CWC27: variants seen among roughly 807,000 people sequenced by gnomAD.
CWC27 encodes spliceosome-associated protein CWC27 homolog.
A neutral mutation model predicts 63.6 loss-of-function variants in CWC27; 47 were observed. The observed-to-expected ratio is 0.74, with a 90% CI of 0.58 to 0.94. The LOEUF is 0.94. CWC27 is among the 40% of genes least tolerant of loss of function. The pLI, the probability that CWC27 is intolerant of heterozygous loss-of-function variation, is 0.00. For missense variants in CWC27, 495 were observed against 554.3 expected (o/e 0.89, Z 1.07); for synonymous variants, 175 against 179.8 (o/e 0.97, Z 0.22).
chr5:64,947,149 T>C (rs1669821427), intron 11 of CWC27, among the ~76,000 whole-genome samples: 1 of 152,130 alleles, frequency 6.6e-6, no homozygotes, highest in Admixed American at 6.6e-5. Flanking sequence ...TGCTGCTTCC[T>C]AAAAAGGAAA....
At chr5:64,900,020 C>G (rs913167475) in intron 11 of CWC27, among the ~76,000 whole-genome samples, 1 of 152,092 alleles carries the variant, frequency 6.6e-6, no homozygotes, top group Non-Finnish European at 1.5e-5. Flanking sequence ...AAGTAGTATT[C>G]CATTATATAG....
chr5:64,861,719 C>T (rs1746416397), intron 10 of CWC27, among the ~76,000 whole-genome samples: 1 of 152,172 alleles, frequency 6.6e-6, no homozygotes, highest in Non-Finnish European at 1.5e-5. Flanking sequence ...TATCCTAGAA[C>T]TGAGGTCCTT....
At chr5:64,933,763 T>G (rs1748288651) in intron 11 of CWC27, among the ~76,000 whole-genome samples, 1 of 152,190 alleles carries the variant, frequency 6.6e-6, no homozygotes, top group African/African-American at 2.4e-5. Context: ...AGTGCTGGGA[T>G]TACAGGCGTG....
intron 10 of CWC27, among the ~76,000 whole-genome samples, chr5:64,879,677 A>G (rs1263966482): frequency 6.6e-6 from 1 of 151,894 alleles, no homozygotes. Flanking sequence ...TTAGGGGGTC[A>G]TAAGTTACTT....
intron 7 of CWC27, among the ~76,000 whole-genome samples, chr5:64,799,105 G>A (rs190067020): frequency 6.6e-6 from 1 of 152,322 alleles, no homozygotes; most frequent in East Asian, 1.9e-4. Context: ...ACTATTGTCA[G>A]ACAGACCTGG....
intron 10 of CWC27, among the ~76,000 whole-genome samples, chr5:64,832,994 A>G: frequency 6.6e-6 from 1 of 151,878 alleles, no homozygotes. Context: ...AAATCTAGAG[A>G]TCTAGAGCAA....
intron 10 of CWC27, among the ~76,000 whole-genome samples, chr5:64,828,443 C>T (rs1234802740): frequency 6.6e-6 from 1 of 151,452 alleles, no homozygotes; most frequent in Non-Finnish European, 1.5e-5. Flanking sequence ...TTTTTTTTCT[C>T]ACAGTTCTGG....
intron 4 of CWC27, among the ~76,000 whole-genome samples, chr5:64,784,478 A>T (rs561743523): frequency 6.6e-6 from 1 of 152,304 alleles, no homozygotes; most frequent in East Asian, 1.9e-4. Context: ...TAGAATTTTT[A>T]ACAATTCCCT....
chr5:64,896,044 A>G (rs1747366951), intron 11 of CWC27, among the ~76,000 whole-genome samples: 1 of 151,998 alleles, frequency 6.6e-6, no homozygotes. Context: ...CCCCAAAACT[A>G]AAAGAGGATA....
At chr5:64,914,308 C>T (rs1252071572) in intron 11 of CWC27, among the ~76,000 whole-genome samples, 2 of 152,058 alleles carry the variant, frequency 1.3e-5, no homozygotes, top group Non-Finnish European at 1.5e-5. Flanking sequence ...ATTTGCTGAA[C>T]TTTTACTCTA....
At chr5:64,838,412 A>G (rs548808743) in intron 10 of CWC27, among the ~76,000 whole-genome samples, 7 of 152,208 alleles carry the variant, frequency 4.6e-5, no homozygotes, top group African/African-American at 1.7e-4. Flanking sequence ...ATATACAGAT[A>G]GGGTTCCTGA....
At chr5:64,991,818 T>A (rs1267669900) in intron 13 of CWC27, among the ~76,000 whole-genome samples, 1 of 152,244 alleles carries the variant, frequency 6.6e-6, no homozygotes, top group Non-Finnish European at 1.5e-5. Flanking sequence ...AAATTGTATT[T>A]ATATTTCATA....
intron 11 of CWC27, among the ~76,000 whole-genome samples, chr5:64,958,189 A>G (rs561845526): frequency 1.8e-3 from 268 of 152,286 alleles, no homozygotes; most frequent in African/African-American, 6.1e-3. Context: ...TTAAGGATAC[A>G]TTCCATTTTA....
chr5:64,795,232 C>T (rs1288710201), intron 7 of CWC27, among the ~76,000 whole-genome samples: 3 of 152,174 alleles, frequency 2.0e-5, no homozygotes, highest in African/African-American at 7.2e-5. Flanking sequence ...AAATGTTAAA[C>T]AGTGTAATTT....
At chr5:64,876,563 A>G (rs1365626965) in intron 10 of CWC27, among the ~76,000 whole-genome samples, 1 of 152,140 alleles carries the variant, frequency 6.6e-6, no homozygotes, top group Admixed American at 6.5e-5. Context: ...ACCATCATAT[A>G]TAAGAAACTA....
At chr5:64,824,497 A>G (rs1459811753) in intron 10 of CWC27, among the ~76,000 whole-genome samples, 2 of 152,088 alleles carry the variant, frequency 1.3e-5, no homozygotes, top group South Asian at 2.1e-4. Flanking sequence ...TAAGTGGACT[A>G]CTAAAGATGG....
intron 11 of CWC27, among the ~76,000 whole-genome samples, chr5:64,914,530 T>A (rs1747850366): frequency 6.6e-6 from 1 of 152,006 alleles, no homozygotes; most frequent in Non-Finnish European, 1.5e-5. Context: ...ATAAGAAAAT[T>A]TGTCCAACTT....
At chr5:64,943,514 C>G (rs1041952091) in intron 11 of CWC27, among the ~76,000 whole-genome samples, 18 of 152,096 alleles carry the variant, frequency 1.2e-4, no homozygotes, top group Admixed American at 6.6e-4. Context: ...GTATATACCA[C>G]TATGAGTTTC....
chr5:65,007,023 AAAAG>A (rs796746180), intron 13 of CWC27, among the ~76,000 whole-genome samples: 6 of 145,606 alleles, frequency 4.1e-5, no homozygotes, highest in African/African-American at 1.5e-4. Flanking sequence ...AGAAAGAAAG[AAAAG>A]AAAGAAAGGA....
Sources: allele counts gnomAD v4.1 joint callset (sites outside exome capture counted in the v4.1 genomes callset), GRCh38; gene constraint gnomAD v4.1.1; transcripts MANE v1.5; gene names NCBI Gene and HGNC (gene_info 2026-07-23, HGNC 2026-07-21).